Variants in CDC5L observed in about 807,000 individuals in gnomAD.
The protein encoded by CDC5L is cell division cycle 5 like.
In CDC5L, 18 loss-of-function variants were observed where a neutral mutation model predicts 104.1. The observed-to-expected ratio is 0.17, with a 90% confidence interval of 0.12 to 0.26. The LOEUF (loss-of-function observed/expected upper bound fraction) is 0.26, where lower values mean the gene tolerates loss of function less well. Ranked by LOEUF, CDC5L falls within the 10% of genes least tolerant of loss-of-function variation. CDC5L has a pLI of 1.00. For missense variants in CDC5L, 673 were observed against 956.9 expected, an observed-to-expected ratio of 0.70 and a Z score of 3.91; for synonymous variants, 331 against 322.7, an observed-to-expected ratio of 1.03 and a Z score of -0.28.
intron 5 of CDC5L, 40 bp from the exon 6 acceptor site, chr6:44,403,769 A>G (rs766875966): frequency 1.5e-6 from 2 of 1,376,810 alleles, no homozygotes; most frequent in Non-Finnish European, 2.0e-6. Flanking sequence ...TCCCTGTCAC[A>G]TGGCATATGA....
intron 8 of CDC5L, among the ~76,000 whole-genome samples, chr6:44,418,989 G>A (rs1192701127): frequency 1.3e-5 from 2 of 151,904 alleles, no homozygotes; most frequent in African/African-American, 4.8e-5. Context: ...CTGTGCAGAA[G>A]CTCTTTAGTT....
intron 13 of CDC5L, among the ~76,000 whole-genome samples, 176 bp downstream of exon 13, chr6:44,426,900 C>T (rs1375312202): frequency 6.6e-6 from 1 of 152,182 alleles, no homozygotes; most frequent in African/African-American, 2.4e-5. Context: ...TTAAATACCT[C>T]CATCCCCCGT....
rs1793572635 is a variant in CDC5L, at chr6:44,449,592, T to C, written c.*2881T>C. On this transcript the variant is annotated 3_prime_UTR_variant, in exon 16 of 16. Transcript: ENST00000371477. ...GTATTGTTAAAACTTGTGTTAAGCA[T>C]GTTAAAGTCTCAGTAACTTTGGGAT... 1 of 152,222 alleles carries C rather than the reference T, an allele frequency of 6.6e-6. No individual in the cohort carries two copies. The highest frequency in any genetic ancestry group is 2.1e-4 in the South Asian group (1 of 4,834). 9.4% of individuals were successfully genotyped at this position (152,222 alleles called of 1,614,324 possible).
chr6:44,389,401 A>C (rs980234246), intron 1 of CDC5L, among the ~76,000 whole-genome samples: 5 of 152,158 alleles, frequency 3.3e-5, no homozygotes, highest in African/African-American at 9.7e-5. Flanking sequence ...TAGAGGATGG[A>C]GTGGGGTATC....
intron 14 of CDC5L, chr6:44,435,787 GT>G (rs201451466): frequency 2.4e-4 from 34 of 141,964 alleles, no homozygotes; most frequent in Non-Finnish European, 2.6e-4. Context: ...AATAGTTTTT[GT>G]TTTTTTTTTT....
At chr6:44,441,403 A>G (rs558492362) in intron 14 of CDC5L, among the ~76,000 whole-genome samples, 1 of 152,352 alleles carries the variant, frequency 6.6e-6, no homozygotes, top group Non-Finnish European at 1.5e-5. Context: ...GTTGTGGATA[A>G]TGCTGTAAAG....
chr6:44,396,509 G>A, intron 5 of CDC5L, 69 bp downstream of exon 5: 1 of 956,552 alleles, frequency 1.0e-6, no homozygotes, highest in Non-Finnish European at 1.6e-6. Context: ...GAATACTTCT[G>A]TGACCAGATA....
Position 44,425,121 on chromosome 6 carries a change from C to T in CDC5L, c.1569+538C>T, listed in dbSNP as rs77303095. ...ACACTTTGTACTAATATATCTTATA[C>T]GTAATTACTTTCTCATTTGCACGTA... On this transcript the variant is annotated intron_variant, in intron 11 of 15. Transcript: ENST00000371477. Among the ~76,000 whole-genome samples, 1,274 of 152,208 alleles carry T rather than the reference C, an allele frequency of 8.4e-3. 10 individuals are homozygous for T. The highest frequency in any genetic ancestry group is 0.022 in the South Asian group (105 of 4,816).
chr6:44,442,109 A>T (rs992788445), intron 14 of CDC5L, among the ~76,000 whole-genome samples: 43 of 151,214 alleles, frequency 2.8e-4, no homozygotes, highest in Non-Finnish European at 5.9e-5. Context: ...GCTAATTTTT[A>T]TATTTTTAGT....
intron 8 of CDC5L, among the ~76,000 whole-genome samples, chr6:44,414,487 C>CT (rs1316210840): frequency 0.012 from 1,567 of 127,068 alleles, 29 homozygotes; most frequent in African/African-American, 0.04. Context: ...ATTGGGTTAT[C>CT]TTTTTTTTTT....
intron 5 of CDC5L, among the ~76,000 whole-genome samples, chr6:44,403,378 A>G (rs900261003): frequency 6.6e-6 from 1 of 151,476 alleles, no homozygotes; most frequent in African/African-American, 2.4e-5. Context: ...TAACCATCAT[A>G]CTAGTTGCAA....
intron 14 of CDC5L, among the ~76,000 whole-genome samples, chr6:44,443,309 T>C (rs964556249): frequency 7.2e-5 from 11 of 152,114 alleles, no homozygotes; most frequent in African/African-American, 2.7e-4. Context: ...TTTGACATTT[T>C]AATTGTGATG....
chr6:44,426,250 TC>T lies in CDC5L; in HGVS notation c.1650+68del. 3.4e-6 allele frequency: 4 copies of T among 1,167,384 alleles called. No individual in the cohort carries two copies. In the African/African-American group the frequency reaches 4.7e-5, roughly 14 times the overall value. The allele number at this position is 1,167,384 out of a possible 1,614,324, so 72.3% of individuals were successfully genotyped here. A position where few individuals can be genotyped will look rare whatever the true frequency, so the allele number is the denominator to read the frequency against. ...TTTTATATGATTGCTGCGTTTTACATCATTCATAAAGACTATAAAACAAAAT... is the reference window on the plus strand; with the variant it reads ...TTTTATATGATTGCTGCGTTTTACATATTCATAAAGACTATAAAACAAAAT... On this transcript the variant is annotated intron_variant, in intron 12 of 15. Transcript: ENST00000371477.
chr6:44,424,365 A>T, intron 10 of CDC5L, 54 bp from the exon 11 acceptor site: 1 of 1,501,816 alleles, frequency 6.7e-7, no homozygotes, highest in Non-Finnish European at 9.1e-7. Context: ...CTCATAAAAT[A>T]CTGGTGGAAT....
In CDC5L at chr6:44,420,445, G is replaced by A. The variant is rs192547904; in HGVS notation, c.1241+848G>A. The stretch of plus-strand genomic sequence containing the variant: ...GCGAACTCGGCTCATCACAACCTCC[G>A]CCTCCTAGGTTCAAGCAATTCTTCT... On this transcript the variant is annotated intron_variant, in intron 9 of 15. Transcript: ENST00000371477. 2.5e-3 allele frequency among the ~76,000 whole-genome samples: 370 copies of A among 150,272 alleles called. 2 individuals are homozygous for A. Among genetic ancestry groups the A allele is most frequent in the African/African-American group, 8.7e-3 (354 of 40,734 alleles).
At chr6:44,422,970 A>G (rs1008888582) in intron 10 of CDC5L, among the ~76,000 whole-genome samples, 161 bp downstream of exon 10, 3 of 152,148 alleles carry the variant, frequency 2.0e-5, no homozygotes, top group African/African-American at 7.2e-5. Flanking sequence ...ATGAAAGGGA[A>G]TATTTTGGGC....
At chr6:44,412,524 G>T (rs2153379017) in intron 8 of CDC5L, among the ~76,000 whole-genome samples, 1 of 151,506 alleles carries the variant, frequency 6.6e-6, no homozygotes, top group South Asian at 2.1e-4. Flanking sequence ...CACTGCACCT[G>T]ACCCCCCACT....
At chr6:44,429,015 CTTT>C (rs922435895) in intron 13 of CDC5L, among the ~76,000 whole-genome samples, 3 of 95,592 alleles carry the variant, frequency 3.1e-5, no homozygotes, top group East Asian at 3.2e-4. Flanking sequence ...GTTTCATTAG[CTTT>C]TTTTTTTTTT....
At chr6:44,418,250 G>T (rs954486751) in intron 8 of CDC5L, among the ~76,000 whole-genome samples, 51 of 151,936 alleles carry the variant, frequency 3.4e-4, no homozygotes, top group African/African-American at 1.1e-3. Flanking sequence ...GCGGTGTTTG[G>T]TTTTTTTGTC....
Sources: gnomAD v4.1 joint callset for allele counts (sites outside exome capture counted in the v4.1 genomes callset) on GRCh38, gnomAD v4.1.1 for gene constraint, MANE v1.5 for transcripts, NCBI Gene and HGNC (gene_info 2026-07-23, HGNC 2026-07-21) for gene names.